The following GPBP1 variants were observed in gnomAD, a reference collection of about 807,000 sequenced individuals.
GPBP1 encodes the protein vasculin.
GPBP1 carries 13 observed loss-of-function variants against 56.5 expected under a neutral mutation model. The observed-to-expected ratio is 0.23, with a 90% CI of 0.15 to 0.37. The LOEUF (loss-of-function observed/expected upper bound fraction) is 0.37, where lower values mean the gene tolerates loss of function less well. Ranked by LOEUF, GPBP1 falls within the 10% of genes least tolerant of loss-of-function variation. The probability of loss-of-function intolerance (pLI) is 1.00; values close to 1 mark genes in which losing one functional copy is unlikely to be tolerated. For synonymous variants in GPBP1, 204 were observed against 188.9 expected, an observed-to-expected ratio of 1.08 and a Z score of -0.66; for missense variants, 477 against 572.3, an observed-to-expected ratio of 0.83 and a Z score of 1.70.
chr5:57,246,409 A>G lies in GPBP1; in HGVS notation c.588A>G (p.Ser196=). The change falls in exon 7 of 12, where the codon TCA becomes TCG. Residue 196 remains serine, a synonymous_variant. Transcript: ENST00000506184. ...TCCCAGTAGTAGGAAATCTTCCGTC[A>G]CAGCCAGTTAAGAATGGAACTGGTC... ...SGFPVVGNLP[S]QPVKNGTGPS... is the part of the protein sequence containing the mutation. 1.2e-6 allele frequency: 2 copies of G among 1,614,062 alleles called. No individual in the cohort carries two copies. Among genetic ancestry groups the G allele is most frequent in the East Asian group, 4.5e-5 (2 of 44,870 alleles).
chr5:57,257,390 A>G (rs886803674), intron 10 of GPBP1, among the ~76,000 whole-genome samples: 11 of 152,218 alleles, frequency 7.2e-5, no homozygotes, highest in African/African-American at 2.4e-4. Context: ...GAAATATTCA[A>G]TACTAAGGCA....
intron 3 of GPBP1, among the ~76,000 whole-genome samples, chr5:57,223,972 T>TA (rs1183164376): frequency 6.6e-6 from 1 of 151,678 alleles, no homozygotes; most frequent in Non-Finnish European, 1.5e-5. Flanking sequence ...TAGCTGGGAC[T>TA]ATAGGCGCCC....
chr5:57,199,596 C>G (rs1189951011), intron 2 of GPBP1, among the ~76,000 whole-genome samples: 1 of 151,938 alleles, frequency 6.6e-6, no homozygotes, highest in East Asian at 1.9e-4. Context: ...GCACAACGTG[C>G]AGGTTTGTTA....
chr5:57,227,486 A>T (rs972102637), intron 3 of GPBP1, among the ~76,000 whole-genome samples: 2 of 152,148 alleles, frequency 1.3e-5, no homozygotes, highest in Non-Finnish European at 2.9e-5. Flanking sequence ...GAGACACTGC[A>T]CCCAGTCCCC....
At chr5:57,202,229 G>C (rs1330544128) in intron 2 of GPBP1, among the ~76,000 whole-genome samples, 1 of 151,664 alleles carries the variant, frequency 6.6e-6, no homozygotes, top group African/African-American at 2.4e-5. Context: ...AAGCAGTCGG[G>C]CTGCCTTGGC....
rs145521548 is a variant in GPBP1, at chr5:57,198,734, G to C, written c.-57-15340G>C. Among the ~76,000 whole-genome samples, 53 of 152,236 alleles carry C rather than the reference G, an allele frequency of 3.5e-4. 2 individuals are homozygous for C. The East Asian group carries it at 7.5e-3, about 22-fold the overall frequency. ...CATGGTGGCGCGTGCCTGTAATCCA[G>C]CTACTCGGGAGGCTGAGGTGGGAGA... On this transcript the variant is annotated intron_variant, in intron 2 of 11. Transcript: ENST00000506184.
chr5:57,227,639 A>G lies in GPBP1; in HGVS notation c.64-3207A>G, dbSNP rs562640597. The stretch of plus-strand genomic sequence containing the variant: ...GTGGTTGATTTGCCAAACTCAGTGC[A>G]AGGGCAGCATCCACCTGGGCCCCTC... On this transcript the variant is annotated intron_variant, in intron 3 of 11. Transcript: ENST00000506184. Among the ~76,000 whole-genome samples, 12 of 152,346 alleles carry G rather than the reference A, an allele frequency of 7.9e-5. 1 individual carries two copies. In the South Asian group the frequency reaches 2.5e-3, roughly 32 times the overall value.
At chr5:57,197,264 A>G (rs533305116) in intron 2 of GPBP1, among the ~76,000 whole-genome samples, 1 of 152,106 alleles carries the variant, frequency 6.6e-6, no homozygotes, top group Admixed American at 6.5e-5. Flanking sequence ...ATTTGAGGAG[A>G]AGAATCATTA....
intron 7 of GPBP1, among the ~76,000 whole-genome samples, 200 bp downstream of exon 7, chr5:57,246,684 A>G (rs1204467125): frequency 6.6e-6 from 1 of 152,038 alleles, no homozygotes; most frequent in Non-Finnish European, 1.5e-5. Context: ...TTGTTTTAGC[A>G]GTAGTAAGTG....
At chr5:57,202,988 A>C (rs1277750103) in intron 2 of GPBP1, among the ~76,000 whole-genome samples, 1 of 152,236 alleles carries the variant, frequency 6.6e-6, no homozygotes, top group Non-Finnish European at 1.5e-5. Flanking sequence ...TCAGTTTGTG[A>C]GGAAAGAGAA....
intron 6 of GPBP1, chr5:57,237,448 T>C (rs1046740264): frequency 5.5e-6 from 2 of 365,656 alleles, no homozygotes; most frequent in Admixed American, 3.9e-5. Flanking sequence ...TGTATTAATA[T>C]GAAGATTTTG....
At chr5:57,228,055 A>G (rs968520620) in intron 3 of GPBP1, among the ~76,000 whole-genome samples, 82 of 152,368 alleles carry the variant, frequency 5.4e-4, no homozygotes, top group African/African-American at 1.8e-3. Context: ...TAAGTGCAAC[A>G]AAGACTTAAG....
chr5:57,236,747 A>G (rs921414366), intron 6 of GPBP1, among the ~76,000 whole-genome samples: 1 of 152,166 alleles, frequency 6.6e-6, no homozygotes, highest in Non-Finnish European at 1.5e-5. Context: ...CTAAGATTTG[A>G]CATCTGAAAA....
At chr5:57,194,355 T>C (rs1754657655) in intron 2 of GPBP1, among the ~76,000 whole-genome samples, 1 of 152,150 alleles carries the variant, frequency 6.6e-6, no homozygotes, top group Admixed American at 6.6e-5. Context: ...TATCAGACCT[T>C]TTTGTTTGGC....
intron 2 of GPBP1, among the ~76,000 whole-genome samples, chr5:57,210,917 A>C (rs1755448148): frequency 1.3e-5 from 2 of 152,156 alleles, no homozygotes; most frequent in Admixed American, 1.3e-4. Context: ...ATTTGCAGTT[A>C]ATCACTTCTT....
At chr5:57,235,046 C>T (rs1443363885) in intron 5 of GPBP1, among the ~76,000 whole-genome samples, 1 of 152,094 alleles carries the variant, frequency 6.6e-6, no homozygotes, top group African/African-American at 2.4e-5. Flanking sequence ...GTGGCTCACT[C>T]CTGTAATCCC....
At chr5:57,213,899 T>C (rs186671341) in intron 2 of GPBP1, among the ~76,000 whole-genome samples, 175 bp from the exon 3 acceptor site, 209 of 152,366 alleles carry the variant, frequency 1.4e-3, no homozygotes, top group African/African-American at 4.7e-3. Flanking sequence ...CTCTTCTTTC[T>C]TGCAGTCATC....
At chr5:57,208,799 G>A (rs1280068852) in intron 2 of GPBP1, among the ~76,000 whole-genome samples, 1 of 151,738 alleles carries the variant, frequency 6.6e-6, no homozygotes, top group East Asian at 1.9e-4. Context: ...TGGGATTACA[G>A]GTGCCTGCCT....
At chr5:57,240,308 C>T (rs1740763950) in intron 6 of GPBP1, among the ~76,000 whole-genome samples, 1 of 152,170 alleles carries the variant, frequency 6.6e-6, no homozygotes, top group Non-Finnish European at 1.5e-5. Flanking sequence ...CACTTGGCTA[C>T]ATGCTTTTGT....
Sources: gnomAD v4.1 joint callset for allele counts (sites outside exome capture counted in the v4.1 genomes callset) on GRCh38, gnomAD v4.1.1 for gene constraint, MANE v1.5 for transcripts, NCBI Gene and HGNC (gene_info 2026-07-23, HGNC 2026-07-21) for gene names.